CACNA1D: variants seen among roughly 807,000 people sequenced by gnomAD.
The protein encoded by CACNA1D is calcium voltage-gated channel subunit alpha1 D.
In CACNA1D, 55 loss-of-function variants were observed where a neutral mutation model predicts 257.1. That is an observed-to-expected ratio of 0.21 (90% confidence interval 0.17 to 0.27). The LOEUF (loss-of-function observed/expected upper bound fraction) is 0.27. Ranked by LOEUF, CACNA1D falls within the 10% of genes least tolerant of loss-of-function variation. CACNA1D has a pLI of 1.00. For synonymous variants in CACNA1D, 980 were observed against 1,014.9 expected (o/e 0.97, Z 0.65); for missense variants, 1,876 against 2,784.0 (o/e 0.67, Z 7.34).
In CACNA1D at chr3:53,494,957, A is replaced by G; in HGVS notation, c.-210A>G. Reference sequence around the variant, plus strand: ...ATTTTGCTCCATTTTTGAAAAAGAGAGAGCTTGGGTGGCGAGCGGTTTTTT... The same window carrying G: ...ATTTTGCTCCATTTTTGAAAAAGAGGGAGCTTGGGTGGCGAGCGGTTTTTT... On this transcript the variant is annotated 5_prime_UTR_variant, in exon 1 of 48. Transcript: ENST00000350061. 1 of 584,538 alleles carries G rather than the reference A, an allele frequency of 1.7e-6. No homozygotes were observed. Among genetic ancestry groups the G allele is most frequent in the Non-Finnish European group, 3.1e-6 (1 of 327,514 alleles). The allele number at this position is 584,538 out of a possible 1,614,324, so 36.2% of individuals were successfully genotyped here.
chr3:53,710,102 C>T (rs1178715612), intron 9 of CACNA1D, among the ~76,000 whole-genome samples: 1 of 152,148 alleles, frequency 6.6e-6, no homozygotes, highest in Non-Finnish European at 1.5e-5. Context: ...TCCTTAATAC[C>T]CTACTTAGAT....
intron 38 of CACNA1D, 82 bp from the exon 39 acceptor site, chr3:53,781,484 C>T: frequency 2.2e-6 from 2 of 915,402 alleles, no homozygotes; most frequent in East Asian, 2.4e-5. Flanking sequence ...CCAGGTCAGG[C>T]TGGGACAAGG....
In CACNA1D at chr3:53,494,695, C is replaced by T. The variant is rs2107034992; in HGVS notation, c.-472C>T. ...GTCCCCGGATGTGAGCTCCGGCTGCCCGCGGTCCCGAGCCAGCGGCGGCGC... is the reference window on the plus strand; with the variant it reads ...GTCCCCGGATGTGAGCTCCGGCTGCTCGCGGTCCCGAGCCAGCGGCGGCGC... On this transcript the variant is annotated 5_prime_UTR_variant, in exon 1 of 48. Coordinates refer to ENST00000350061, the MANE Select transcript of CACNA1D (RefSeq NM_001128840.3). 6.9e-6 allele frequency: 1 copy of T among 145,762 alleles called. No homozygotes were observed. The highest frequency in any genetic ancestry group is 2.0e-4 in the East Asian group (1 of 4,942). 9.0% of individuals were successfully genotyped at this position (145,762 alleles called of 1,614,324 possible).
chr3:53,535,836 C>G (rs980400981), intron 3 of CACNA1D, among the ~76,000 whole-genome samples: 7 of 152,082 alleles, frequency 4.6e-5, no homozygotes, highest in African/African-American at 1.7e-4. Context: ...TTTAGGCTAT[C>G]AAATGCAAAG....
intron 7 of CACNA1D, 109 bp downstream of exon 7, chr3:53,666,644 TA>T: frequency 1.1e-6 from 1 of 905,518 alleles, no homozygotes; most frequent in Non-Finnish European, 1.9e-6. Context: ...TGAAGTCAGT[TA>T]TTTGGGAAGG....
At chr3:53,567,995 C>T (rs1415935939) in intron 3 of CACNA1D, among the ~76,000 whole-genome samples, 2 of 152,278 alleles carry the variant, frequency 1.3e-5, no homozygotes, top group Admixed American at 6.5e-5. Flanking sequence ...GACCTTGCCT[C>T]ACGACTCTAA....
At chr3:53,691,875 C>T (rs1327882130) in intron 8 of CACNA1D, among the ~76,000 whole-genome samples, 40 of 51,846 alleles carry the variant, frequency 7.7e-4, no homozygotes, top group South Asian at 4.3e-3. Flanking sequence ...ATATATATTA[C>T]ATATAATATA....
At chr3:53,675,156 G>A (rs1020340288) in intron 8 of CACNA1D, among the ~76,000 whole-genome samples, 4 of 152,220 alleles carry the variant, frequency 2.6e-5, no homozygotes, top group African/African-American at 9.6e-5. Context: ...CCAGGGGCCA[G>A]TGCCCGCCAG....
At chr3:53,718,614 G>A in intron 10 of CACNA1D, 1 of 674,436 alleles carries the variant, frequency 1.5e-6, no homozygotes. Flanking sequence ...CATTTCACAT[G>A]CCTCTTCCTG....
At chr3:53,576,043 C>T (rs2093031642) in intron 3 of CACNA1D, among the ~76,000 whole-genome samples, 2 of 152,228 alleles carry the variant, frequency 1.3e-5, no homozygotes, top group South Asian at 4.2e-4. Flanking sequence ...TCCCTCTCTC[C>T]GTTGATGCTT....
intron 3 of CACNA1D, among the ~76,000 whole-genome samples, chr3:53,645,550 C>G (rs1349916597): frequency 6.6e-6 from 1 of 152,132 alleles, no homozygotes; most frequent in African/African-American, 2.4e-5. Flanking sequence ...TCCAGTTTTA[C>G]CGTACCCCTT....
intron 3 of CACNA1D, among the ~76,000 whole-genome samples, chr3:53,584,712 T>G (rs1264864812): frequency 6.6e-6 from 1 of 152,248 alleles, no homozygotes; most frequent in Admixed American, 6.5e-5. Flanking sequence ...TCTTCAGTGT[T>G]CTTGGAAGTT....
At chr3:53,653,174 C>G (rs1243186398) in intron 4 of CACNA1D, among the ~76,000 whole-genome samples, 2 of 152,148 alleles carry the variant, frequency 1.3e-5, no homozygotes, top group Non-Finnish European at 2.9e-5. Flanking sequence ...TCGCTTGAAC[C>G]TGGGAGGCAG....
chr3:53,571,906 A>G (rs1396288061), intron 3 of CACNA1D, among the ~76,000 whole-genome samples: 1 of 152,108 alleles, frequency 6.6e-6, no homozygotes, highest in Non-Finnish European at 1.5e-5. Flanking sequence ...AATCCTCTCT[A>G]AAGGAACAGG....
intron 30 of CACNA1D, among the ~76,000 whole-genome samples, chr3:53,769,665 C>T (rs961888684): frequency 1.3e-5 from 2 of 152,204 alleles, no homozygotes; most frequent in African/African-American, 4.8e-5. Context: ...AGCCTCCTCG[C>T]GAGAAGCGGG....
At chr3:53,656,309 G>A (rs2094147095) in intron 4 of CACNA1D, among the ~76,000 whole-genome samples, 1 of 152,042 alleles carries the variant, frequency 6.6e-6, no homozygotes, top group South Asian at 2.1e-4. Flanking sequence ...TTCTAGTTAT[G>A]TGAAGAATGT....
At chr3:53,728,811 A>C (rs370576141) in intron 15 of CACNA1D, among the ~76,000 whole-genome samples, 1 of 152,234 alleles carries the variant, frequency 6.6e-6, no homozygotes, top group Non-Finnish European at 1.5e-5. Context: ...CTCAGCACCC[A>C]CAACAGTGCC....
chr3:53,635,097 C>T (rs1281687543), intron 3 of CACNA1D, among the ~76,000 whole-genome samples: 2 of 152,176 alleles, frequency 1.3e-5, no homozygotes, highest in Non-Finnish European at 1.5e-5. Flanking sequence ...GCACCTTTGC[C>T]ACAAAGAAGC....
chr3:53,577,769 A>C lies in CACNA1D; in HGVS notation c.484-73010A>C, dbSNP rs527797494. ...AGAGCTCCTCAGGCAGAATTCTGTC[A>C]TGCAGAATTCCCAGTAGATGGAATC... On this transcript the variant is annotated intron_variant, in intron 3 of 47. Coordinates refer to ENST00000350061, the MANE Select transcript of CACNA1D (RefSeq NM_001128840.3). 9.2e-5 allele frequency among the ~76,000 whole-genome samples: 14 copies of C among 152,312 alleles called. No homozygotes were observed. In the South Asian group the frequency reaches 2.1e-3, roughly 23 times the overall value.
Sources: allele counts gnomAD v4.1 joint callset (sites outside exome capture counted in the v4.1 genomes callset), GRCh38; gene constraint gnomAD v4.1.1; transcripts MANE v1.5; gene names NCBI Gene and HGNC (gene_info 2026-07-23, HGNC 2026-07-21).